The following SLC17A1 variants were observed in gnomAD, a reference collection of about 807,000 sequenced individuals.
SLC17A1 encodes the protein solute carrier family 17 member 1, also known as sodium-dependent phosphate transport protein 1.
A neutral mutation model predicts 53.5 loss-of-function variants in SLC17A1; 51 were observed. The observed-to-expected ratio is 0.95, with a 90% CI of 0.76 to 1.20. SLC17A1 has a LOEUF of 1.20. Ranked by LOEUF, SLC17A1 falls within the 50% of genes most tolerant of loss-of-function variation. The pLI, the probability that SLC17A1 is intolerant of heterozygous loss-of-function variation, is 0.00. For synonymous variants in SLC17A1, 179 were observed against 198.8 expected, an observed-to-expected ratio of 0.90 and a Z score of 0.84; for missense variants, 538 against 568.2, an observed-to-expected ratio of 0.95 and a Z score of 0.54.
At chr6:25,745,531 AT>A in the SLC17A1 span, among the ~76,000 whole-genome samples, 11 of 152,204 alleles carry the variant, frequency 7.2e-5, no homozygotes, top group African/African-American at 2.4e-4. Flanking sequence ...TTGGTCTGAA[AT>A]TCACACGTTT....
intron 6 of SLC17A1, 22 bp downstream of exon 6, chr6:25,819,046 G>A (rs1415399816): frequency 6.6e-7 from 1 of 1,504,270 alleles, no homozygotes; most frequent in Non-Finnish European, 9.0e-7. Flanking sequence ...TAATAACTAG[G>A]ATTTTACAGA....
At chr6:25,742,987 T>TA in the SLC17A1 span, among the ~76,000 whole-genome samples, 2 of 152,070 alleles carry the variant, frequency 1.3e-5, no homozygotes, top group African/African-American at 4.8e-5. Context: ...ATTTGTAATA[T>TA]AAAAAATTGG....
At chr6:25,779,222 A>C (rs1272032264), downstream of SLC17A1, 1 of 1,609,676 alleles carries the variant, frequency 6.2e-7, no homozygotes, top group Non-Finnish European at 8.5e-7. Flanking sequence ...CCTGGTGCTT[A>C]GTTCATCATT....
intron 3 of SLC17A1, among the ~76,000 whole-genome samples, chr6:25,820,672 A>G (rs996921178): frequency 1.3e-5 from 2 of 152,006 alleles, no homozygotes; most frequent in South Asian, 2.1e-4. Context: ...CGAGGTCAGG[A>G]GATCGAGACC....
the SLC17A1 span, among the ~76,000 whole-genome samples, chr6:25,727,618 G>T: frequency 7.3e-5 from 11 of 151,720 alleles, no homozygotes; most frequent in Admixed American, 6.6e-4. Flanking sequence ...TCTCAAACTC[G>T]ATCTGGTGAT....
chr6:25,779,952 T>A (rs1048175586), downstream of SLC17A1: 1 of 152,250 alleles, frequency 6.6e-6, no homozygotes, highest in African/African-American at 2.4e-5. Context: ...CAGTGACCCA[T>A]GATATCTGCC....
Position 25,819,059 on chromosome 6 carries a change from G to A in SLC17A1, c.616+9C>T, listed in dbSNP as rs762229514. ...AATAATAACTAGGATTTTACAGAAAGAGACTCACCAAAAATATAGAAGACC... is the reference window on the plus strand; with the variant it reads ...AATAATAACTAGGATTTTACAGAAAAAGACTCACCAAAAATATAGAAGACC... On this transcript the variant is annotated intron_variant, in intron 6 of 12. Transcript: ENST00000244527. 1.3e-6 allele frequency: 2 copies of A among 1,574,620 alleles called. No homozygotes were observed. Among genetic ancestry groups the A allele is most frequent in the Non-Finnish European group, 1.7e-6 (2 of 1,162,378 alleles).
the SLC17A1 span, among the ~76,000 whole-genome samples, chr6:25,765,702 T>C: frequency 1.3e-5 from 2 of 152,110 alleles, no homozygotes; most frequent in Non-Finnish European, 2.9e-5. Flanking sequence ...AAGGAGAAGA[T>C]AGATTTGAGA....
the SLC17A1 span, among the ~76,000 whole-genome samples, chr6:25,729,129 G>C: frequency 6.6e-6 from 1 of 152,174 alleles, no homozygotes; most frequent in African/African-American, 2.4e-5. Context: ...GGACTTTTAG[G>C]CTTATTTGGG....
chr6:25,736,227 AG>A, the SLC17A1 span, among the ~76,000 whole-genome samples: 2 of 152,090 alleles, frequency 1.3e-5, no homozygotes, highest in African/African-American at 4.8e-5. Flanking sequence ...GAGAACTGTT[AG>A]TGGGCCCCAC....
At chr6:25,771,403 G>C in the SLC17A1 span, among the ~76,000 whole-genome samples, 1 of 151,742 alleles carries the variant, frequency 6.6e-6, no homozygotes, top group African/African-American at 2.4e-5. Context: ...GTTAAACCCC[G>C]TCTCTACTAA....
the SLC17A1 span, chr6:25,727,114 C>A: frequency 6.2e-7 from 1 of 1,614,238 alleles, no homozygotes; most frequent in African/African-American, 1.3e-5. Flanking sequence ...TCCTTCGTCA[C>A]TGATATCTTT....
intron 3 of SLC17A1, among the ~76,000 whole-genome samples, chr6:25,822,532 A>G (rs1396169681): frequency 6.6e-6 from 1 of 152,190 alleles, no homozygotes; most frequent in Non-Finnish European, 1.5e-5. Context: ...TACCTTATGT[A>G]GCAGTAAACT....
At chr6:25,762,785 T>G in the SLC17A1 span, among the ~76,000 whole-genome samples, 11 of 152,200 alleles carry the variant, frequency 7.2e-5, no homozygotes, top group African/African-American at 2.7e-4. Flanking sequence ...GTACTCAACC[T>G]ACAACTAGTC....
intron 3 of SLC17A1, 132 bp downstream of exon 3, chr6:25,826,329 C>A: frequency 1.5e-6 from 1 of 646,644 alleles, no homozygotes; most frequent in Non-Finnish European, 2.4e-6. Flanking sequence ...TAGGTCACTC[C>A]TGGCAAGGTA....
downstream of SLC17A1, chr6:25,779,488 G>T (rs1763198595): frequency 7.6e-6 from 2 of 262,590 alleles, no homozygotes; most frequent in African/African-American, 4.4e-5. Flanking sequence ...GAGGAAGCCA[G>T]ACCTTGGGAC....
chr6:25,772,693 T>C, the SLC17A1 span, among the ~76,000 whole-genome samples: 1 of 152,144 alleles, frequency 6.6e-6, no homozygotes, highest in Non-Finnish European at 1.5e-5. Flanking sequence ...TTGAGGAAGA[T>C]AAGAGATAGA....
At chr6:25,726,018 TAAC>T in the SLC17A1 span, 1 of 926,426 alleles carries the variant, frequency 1.1e-6, no homozygotes, top group African/African-American at 1.6e-5. Flanking sequence ...GATGGCTGGT[TAAC>T]AGCAGTAACG....
the SLC17A1 span, chr6:25,727,419 G>A: frequency 5.4e-5 from 40 of 746,710 alleles, no homozygotes; most frequent in African/African-American, 3.1e-4. Flanking sequence ...TTTTTGAGGC[G>A]GAGTCTCACT....
Sources: gnomAD v4.1 joint callset for allele counts (sites outside exome capture counted in the v4.1 genomes callset) on GRCh38, gnomAD v4.1.1 for gene constraint, MANE v1.5 for transcripts, NCBI Gene and HGNC (gene_info 2026-07-23, HGNC 2026-07-21) for gene names.